BNC2: variants seen among roughly 807,000 people sequenced by gnomAD.
BNC2 encodes the protein zinc finger protein basonuclin-2.
In BNC2, 20 loss-of-function variants were observed where a neutral mutation model predicts 76.3. The observed-to-expected ratio is 0.26, with a 90% confidence interval of 0.18 to 0.38. The LOEUF is 0.38. Ranked by LOEUF, BNC2 falls within the 10% of genes least tolerant of loss-of-function variation. BNC2 has a pLI of 1.00. For synonymous variants in BNC2, 582 were observed against 514.8 expected (o/e 1.13, Z -1.77); for missense variants, 1,382 against 1,399.8 (o/e 0.99, Z 0.20).
In BNC2 at chr9:16,713,511, T is replaced by C. The variant is rs534611122; in HGVS notation, c.330+14286A>G. Among the ~76,000 whole-genome samples, 4 of 150,696 alleles carry C rather than the reference T, an allele frequency of 2.7e-5. No individual in the cohort carries two copies. The East Asian group carries it at 7.8e-4, about 29-fold the overall frequency. The stretch of plus-strand genomic sequence containing the variant: ...CTATGGCAAAGTGACATGCTTAAAC[T>C]TGATATTCTCTTAGGGATGTGCAGG... On this transcript the variant is annotated intron_variant, in intron 3 of 6. Coordinates refer to ENST00000380672, the MANE Select transcript of BNC2 (RefSeq NM_017637.6).
chr9:16,725,985 A>G (rs1040626038), intron 3 of BNC2, among the ~76,000 whole-genome samples: 1 of 142,304 alleles, frequency 7.0e-6, no homozygotes, highest in African/African-American at 2.7e-5. Context: ...CTTCCCTTCT[A>G]ACACACACAC....
intron 1 of BNC2, among the ~76,000 whole-genome samples, chr9:16,739,456 G>T (rs1416927279): frequency 6.6e-6 from 1 of 152,212 alleles, no homozygotes; most frequent in Non-Finnish European, 1.5e-5. Flanking sequence ...ATAACCTAAA[G>T]TCAGGAGTTC....
chr9:16,659,394 G>A (rs1034004713), intron 3 of BNC2, among the ~76,000 whole-genome samples: 1 of 152,010 alleles, frequency 6.6e-6, no homozygotes, highest in Non-Finnish European at 1.5e-5. Context: ...CAGATCAGGA[G>A]GTCAGGAGAT....
At chr9:16,864,224 A>G (rs1391587434) in intron 1 of BNC2, among the ~76,000 whole-genome samples, 2 of 152,196 alleles carry the variant, frequency 1.3e-5, no homozygotes, top group Non-Finnish European at 2.9e-5. Context: ...AATAGGCTAC[A>G]TTATTTTTAC....
At chr9:16,719,457 C>T (rs1179507232) in intron 3 of BNC2, among the ~76,000 whole-genome samples, 1 of 152,142 alleles carries the variant, frequency 6.6e-6, no homozygotes, top group Admixed American at 6.5e-5. Flanking sequence ...CGTTCACTAA[C>T]CTGTTATCTT....
At chr9:16,663,191 G>A (rs1018815721) in intron 3 of BNC2, among the ~76,000 whole-genome samples, 4 of 140,246 alleles carry the variant, frequency 2.9e-5, no homozygotes, top group Admixed American at 7.7e-5. Flanking sequence ...GTGCAGTGGC[G>A]CAATCCCGGC....
At chr9:16,695,087 A>C (rs1441083090) in intron 3 of BNC2, among the ~76,000 whole-genome samples, 1 of 152,174 alleles carries the variant, frequency 6.6e-6, no homozygotes, top group African/African-American at 2.4e-5. Context: ...TTTTCCCCAA[A>C]CTGAACATAC....
chr9:16,495,512 G>C (rs111487843), intron 5 of BNC2, among the ~76,000 whole-genome samples: 4 of 152,340 alleles, frequency 2.6e-5, no homozygotes, highest in African/African-American at 9.6e-5. Flanking sequence ...TCTGGCTAGA[G>C]ATTTGGGTCC....
At chr9:16,511,733 TAA>T (rs1822761782) in intron 5 of BNC2, among the ~76,000 whole-genome samples, 1 of 152,070 alleles carries the variant, frequency 6.6e-6, no homozygotes, top group African/African-American at 2.4e-5. Flanking sequence ...ACCTGGCTAA[TAA>T]ATATACTCTT....
chr9:16,525,451 G>A (rs1563824684), intron 5 of BNC2, among the ~76,000 whole-genome samples: 2 of 151,908 alleles, frequency 1.3e-5, no homozygotes, highest in South Asian at 2.1e-4. Context: ...CTGAAAAGAC[G>A]TTTAGAAAAA....
At chr9:16,508,552 C>A (rs573618896) in intron 5 of BNC2, among the ~76,000 whole-genome samples, 5 of 152,138 alleles carry the variant, frequency 3.3e-5, no homozygotes, top group Non-Finnish European at 5.9e-5. Flanking sequence ...GAAGAAAATT[C>A]TTCTAATTTC....
chr9:16,818,584 T>C (rs1275202769), intron 1 of BNC2, among the ~76,000 whole-genome samples: 1 of 152,150 alleles, frequency 6.6e-6, no homozygotes, highest in Non-Finnish European at 1.5e-5. Context: ...GTGATGGCCA[T>C]TATTATGGTG....
chr9:16,535,474 AC>A (rs1818102078), intron 5 of BNC2, among the ~76,000 whole-genome samples: 1 of 152,038 alleles, frequency 6.6e-6, no homozygotes, highest in Admixed American at 6.6e-5. Context: ...ACCTATGAGC[AC>A]CTTTTTTTCT....
At chr9:16,762,212 G>A (rs1028072962) in intron 1 of BNC2, among the ~76,000 whole-genome samples, 3 of 152,228 alleles carry the variant, frequency 2.0e-5, no homozygotes, top group Admixed American at 6.5e-5. Flanking sequence ...CCATATGGAA[G>A]TACCTCACCT....
chr9:16,748,852 A>T (rs1825091004), intron 1 of BNC2, among the ~76,000 whole-genome samples: 1 of 148,514 alleles, frequency 6.7e-6, no homozygotes, highest in African/African-American at 2.5e-5. Context: ...AAAAAAAAAA[A>T]AAAAAAAAAA....
chr9:16,554,167 C>T (rs2382810), intron 4 of BNC2, among the ~76,000 whole-genome samples: 28,358 of 152,156 alleles, frequency 0.19, 4,645 homozygotes, highest in African/African-American at 0.44. Flanking sequence ...CCTAATGGTA[C>T]GGGCTACACT....
At chr9:16,811,552 CAAA>C (rs1179927173) in intron 1 of BNC2, among the ~76,000 whole-genome samples, 102 of 58,038 alleles carry the variant, frequency 1.8e-3, no homozygotes, top group African/African-American at 8.0e-3. Flanking sequence ...AACTCCATCT[CAAA>C]AAAAAAAAAA....
intron 4 of BNC2, among the ~76,000 whole-genome samples, chr9:16,578,695 T>C (rs1819551160): frequency 6.6e-6 from 1 of 152,168 alleles, no homozygotes; most frequent in Non-Finnish European, 1.5e-5. Flanking sequence ...TTACTGCTCT[T>C]ATCCTGATAT....
chr9:16,750,671 G>A (rs1301648878), intron 1 of BNC2, among the ~76,000 whole-genome samples: 1 of 152,206 alleles, frequency 6.6e-6, no homozygotes, highest in South Asian at 2.1e-4. Context: ...CTCTGAATTA[G>A]ACCGTAACAC....
Sources: gnomAD v4.1 joint callset for allele counts (sites outside exome capture counted in the v4.1 genomes callset) on GRCh38, gnomAD v4.1.1 for gene constraint, MANE v1.5 for transcripts, NCBI Gene and HGNC (gene_info 2026-07-23, HGNC 2026-07-21) for gene names.